PAM: variants seen among roughly 807,000 people sequenced by gnomAD.
PAM encodes the protein peptidyl-glycine alpha-amidating monooxygenase.
Under a neutral mutation model 122.1 loss-of-function variants are expected in PAM, and 72 were observed. The ratio of observed to expected loss-of-function variants is 0.59; its 90% confidence interval spans 0.49 to 0.72. The LOEUF is 0.72. PAM is among the 30% of genes least tolerant of loss of function. The pLI is 0.00. For missense variants in PAM, 1,106 were observed against 1,183.7 expected (o/e 0.93, Z 0.96); for synonymous variants, 389 against 404.4 (o/e 0.96, Z 0.46).
chr5:102,867,326 C>T lies in PAM; in HGVS notation c.143C>T (p.Pro48Leu). The T allele has an allele frequency of 6.2e-7, 1 of 1,601,032 alleles. No individual in the cohort carries two copies. Among genetic ancestry groups the T allele is most frequent in the South Asian group, 1.1e-5 (1 of 90,824 alleles). ...FSNECLGTTR[P>L]VVPIDSSDFA... ...AATGAATGTCTTGGTACCACCAGAC[C>T]CGTAGTTCCTATTGATTCATCAGAT... The change falls in exon 3 of 26, where the codon CCC (proline) becomes CTC (leucine). Residue 48 changes from proline to leucine, a missense_variant. Physicochemically the swap from Pro to Leu is moderately conservative, Grantham distance 98. Coordinates refer to ENST00000438793, the MANE Select transcript of PAM (RefSeq NM_001177306.2).
intron 7 of PAM, among the ~76,000 whole-genome samples, chr5:102,945,285 C>A (rs568749235): frequency 9.1e-4 from 137 of 150,292 alleles, no homozygotes; most frequent in Non-Finnish European, 1.2e-3. Flanking sequence ...TGATGATGGT[C>A]CTGTAAGGCA....
Position 102,915,911 on chromosome 5 carries a change from A to C in PAM, c.356+1890A>C, listed in dbSNP as rs191973809. ...AGTATTCTTAAATAAACTATTCTGA[A>C]ATTAAATCTATAAGATATATTGACC... On this transcript the variant is annotated intron_variant, in intron 5 of 25. Transcript: ENST00000438793. 6.6e-3 allele frequency among the ~76,000 whole-genome samples: 1,008 copies of C among 152,266 alleles called. 8 individuals are homozygous for C. The highest frequency in any genetic ancestry group is 0.012 in the Non-Finnish European group (841 of 68,014).
chr5:102,894,760 A>G (rs559746924), intron 3 of PAM, among the ~76,000 whole-genome samples: 100 of 151,792 alleles, frequency 6.6e-4, no homozygotes, highest in African/African-American at 2.3e-3. Flanking sequence ...TATATCACCA[A>G]TACATTCAGT....
intron 14 of PAM, among the ~76,000 whole-genome samples, chr5:102,969,099 G>C (rs1230223050): frequency 6.6e-6 from 1 of 151,936 alleles, no homozygotes; most frequent in African/African-American, 2.4e-5. Flanking sequence ...GGGGTAGGGG[G>C]CTAGGGGAGG....
intron 1 of PAM, among the ~76,000 whole-genome samples, chr5:102,777,730 G>A (rs192376125): frequency 1.3e-5 from 2 of 152,190 alleles, no homozygotes. Flanking sequence ...TCCCGGGCCT[G>A]TTTTCCTCTG....
chr5:102,823,762 A>G (rs1435798556), intron 1 of PAM, among the ~76,000 whole-genome samples: 1 of 152,192 alleles, frequency 6.6e-6, no homozygotes, highest in Non-Finnish European at 1.5e-5. Flanking sequence ...TATGTACTGT[A>G]AACACTTGTA....
chr5:102,910,135 C>T (rs749059871), intron 4 of PAM, among the ~76,000 whole-genome samples: 35 of 151,968 alleles, frequency 2.3e-4, no homozygotes, highest in Non-Finnish European at 3.5e-4. Context: ...TGGATATCCA[C>T]TTAGAAGGGA....
chr5:102,941,088 A>C (rs1443873270), intron 7 of PAM, among the ~76,000 whole-genome samples: 1 of 152,156 alleles, frequency 6.6e-6, no homozygotes, highest in East Asian at 1.9e-4. Context: ...TTCACTGTAG[A>C]CTCATATTTT....
chr5:102,754,871 T>C (rs923217013), upstream of PAM: 3 of 152,300 alleles, frequency 2.0e-5, no homozygotes, highest in Admixed American at 6.5e-5. Context: ...TCAGAGACTT[T>C]CAGGCCGGGC....
chr5:102,831,491 A>C (rs143438927), intron 1 of PAM, among the ~76,000 whole-genome samples: 1 of 151,914 alleles, frequency 6.6e-6, no homozygotes, highest in East Asian at 1.9e-4. Flanking sequence ...ATTTTAACAT[A>C]GATTAAATCT....
At chr5:102,831,524 T>G (rs1252321320) in intron 1 of PAM, among the ~76,000 whole-genome samples, 1 of 152,118 alleles carries the variant, frequency 6.6e-6, no homozygotes, top group Non-Finnish European at 1.5e-5. Flanking sequence ...CTTGAATTAT[T>G]TATAGGTAAC....
chr5:103,027,955 A>G (rs1436951530), intron 24 of PAM, among the ~76,000 whole-genome samples: 3 of 152,192 alleles, frequency 2.0e-5, no homozygotes, highest in African/African-American at 7.2e-5. Flanking sequence ...GAAGTAATTT[A>G]TCAAGACTGC....
At chr5:102,895,563 C>A (rs1188031207) in intron 3 of PAM, among the ~76,000 whole-genome samples, 2 of 151,602 alleles carry the variant, frequency 1.3e-5, no homozygotes, top group South Asian at 4.1e-4. Flanking sequence ...AGAATTAGAA[C>A]AGGCCTGGGG....
chr5:102,961,900 A>G (rs1357216544), intron 14 of PAM, among the ~76,000 whole-genome samples: 4 of 151,928 alleles, frequency 2.6e-5, no homozygotes, highest in Admixed American at 2.6e-4. Context: ...GCTTTGGGTT[A>G]GGCTTTGGAG....
chr5:102,884,570 C>G (rs1419923138), intron 3 of PAM, among the ~76,000 whole-genome samples: 1 of 151,892 alleles, frequency 6.6e-6, no homozygotes, highest in East Asian at 1.9e-4. Flanking sequence ...AAAAGTGATT[C>G]TCTTTGCACT....
intron 18 of PAM, 49 bp from the exon 19 acceptor site, chr5:103,006,752 C>A: frequency 2.2e-6 from 3 of 1,333,352 alleles, no homozygotes; most frequent in South Asian, 1.3e-5. Context: ...GGGTGTAAGT[C>A]ACTAATAACC....
At chr5:102,942,187 T>G (rs1451320071) in intron 7 of PAM, among the ~76,000 whole-genome samples, 101 of 152,130 alleles carry the variant, frequency 6.6e-4, no homozygotes, top group Non-Finnish European at 1.5e-5. Context: ...TCCTACGGGA[T>G]TTTCAAAGTA....
chr5:102,822,923 C>G (rs1205577783), intron 1 of PAM, among the ~76,000 whole-genome samples: 1 of 152,180 alleles, frequency 6.6e-6, no homozygotes, highest in Non-Finnish European at 1.5e-5. Flanking sequence ...CCCACTCATC[C>G]CAGTCCATGG....
intron 1 of PAM, among the ~76,000 whole-genome samples, chr5:102,864,184 A>ATATATATAT (rs1472850333): frequency 3.7e-5 from 5 of 133,684 alleles, no homozygotes; most frequent in Admixed American, 1.5e-4. Context: ...ATATATATAT[A>ATATATATAT]TTTTTTTTTT....
Sources: gnomAD v4.1 joint callset for allele counts (sites outside exome capture counted in the v4.1 genomes callset) on GRCh38, gnomAD v4.1.1 for gene constraint, MANE v1.5 for transcripts, NCBI Gene and HGNC (gene_info 2026-07-23, HGNC 2026-07-21) for gene names.